GOLM1: variants seen among roughly 807,000 people sequenced by gnomAD.
GOLM1 encodes epididymis luminal protein 46.
Under a neutral mutation model 50.5 loss-of-function variants are expected in GOLM1, and 31 were observed. That is an observed-to-expected ratio of 0.61 (90% CI 0.46 to 0.83). The LOEUF is 0.83. GOLM1 is among the 40% of genes least tolerant of loss of function. The pLI is 0.00. For missense variants in GOLM1, 491 were observed against 501.3 expected (o/e 0.98, Z 0.20); for synonymous variants, 178 against 192.8 (o/e 0.92, Z 0.64).
rs1329555787 is a variant in GOLM1, at chr9:86,027,187, G to A, written c.*630C>T. The stretch of plus-strand genomic sequence containing the variant: ...GCGTTTTGTACATTAAAAATGACAA[G>A]GGTTATTATACAAGTAGCCTTTTAA... On this transcript the variant is annotated 3_prime_UTR_variant, in exon 10 of 10. Coordinates refer to ENST00000388712, the MANE Select transcript of GOLM1 (RefSeq NM_016548.4). The A allele has an allele frequency of 1.0e-6, 1 of 984,294 alleles. No individual in the cohort carries two copies. Among genetic ancestry groups the A allele is most frequent in the African/African-American group, 1.7e-5 (1 of 57,226 alleles). The allele number at this position is 984,294 out of a possible 1,614,324, so 61.0% of individuals were successfully genotyped here.
chr9:86,068,927 T>C (rs1563962481), intron 3 of GOLM1, among the ~76,000 whole-genome samples: 1 of 152,030 alleles, frequency 6.6e-6, no homozygotes. Flanking sequence ...ACTTACAAAG[T>C]GGTTGCCTCA....
At chr9:86,038,986 A>C (rs748177797) in intron 6 of GOLM1, among the ~76,000 whole-genome samples, 10 of 152,204 alleles carry the variant, frequency 6.6e-5, no homozygotes, top group Non-Finnish European at 8.8e-5. Context: ...TGCTTCAACT[A>C]AACACCAGCA....
At position 86,046,525 on chromosome 9, in the gene GOLM1, C is replaced by G. The variant is rs147300680; in HGVS notation, c.412G>C (p.Val138Leu). 13 of 1,613,496 alleles carry G rather than the reference C, an allele frequency of 8.1e-6. No homozygotes were observed. The East Asian group carries it at 2.9e-4, about 36-fold the overall frequency. ...QRNYGRLQQD[V>L]LQFQKNQTNL... ...GTCTGGTTCTTCTGAAACTGGAGGA[C>G]ATCCTGCTGCAGCCTGCCGTAATTC... Residue 138 changes from valine (V) to leucine (L), a missense_variant, in exon 5 of 10, where the codon GTC becomes CTC. Coordinates refer to ENST00000388712, the MANE Select transcript of GOLM1 (RefSeq NM_016548.4).
At chr9:86,090,432 C>A (rs1477720186) in intron 1 of GOLM1, among the ~76,000 whole-genome samples, 1 of 152,120 alleles carries the variant, frequency 6.6e-6, no homozygotes, top group South Asian at 2.1e-4. Context: ...TTCAGAGATG[C>A]CCTGCTCAGA....
At chr9:86,088,576 T>TGTTTTTTTTTTTTG (rs57812981) in intron 1 of GOLM1, among the ~76,000 whole-genome samples, 1 of 63,996 alleles carries the variant, frequency 1.6e-5, no homozygotes, top group African/African-American at 3.5e-5. Flanking sequence ...GGTTTTGTTT[T>TGTTTTTTTTTTTTG]TTTTTTTTTT....
intron 9 of GOLM1, among the ~76,000 whole-genome samples, chr9:86,028,670 C>T (rs563028714): frequency 2.0e-5 from 3 of 152,108 alleles, no homozygotes; most frequent in Non-Finnish European, 4.4e-5. Flanking sequence ...CAACACACAC[C>T]CAGTGGGGCT....
In GOLM1 at chr9:86,053,676, A is replaced by ACT. The variant is rs1564347585; in HGVS notation, c.310-1086_310-1085insAG. 1.8e-3 allele frequency among the ~76,000 whole-genome samples: 60 copies of ACT among 32,894 alleles called. 3 individuals carry two copies. The East Asian group carries it at 0.036, about 20-fold the overall frequency. The allele number at this position is 32,894 out of a possible 152,430, so 21.6% of individuals were successfully genotyped here. On this transcript the variant is annotated intron_variant, in intron 3 of 9. Transcript: ENST00000388712. ...TGCTACACCACTCCACACACGGCACACCACTCCACACACACCACACACATC... is the reference window on the plus strand; with the variant it reads ...TGCTACACCACTCCACACACGGCACACTCCACTCCACACACACCACACACATC...
rs910448135 is a variant in GOLM1, at chr9:86,026,447, G to C, written c.*1370C>G. The C allele has an allele frequency of 2.2e-5, 22 of 982,844 alleles. No homozygotes were observed. Among genetic ancestry groups the C allele is most frequent in the Non-Finnish European group, 2.7e-5 (22 of 827,680 alleles). 60.9% of individuals were successfully genotyped at this position (982,844 alleles called of 1,614,324 possible). A position where few individuals can be genotyped will look rare whatever the true frequency, so the allele number is the denominator to read the frequency against. On this transcript the variant is annotated 3_prime_UTR_variant, in exon 10 of 10. Coordinates refer to ENST00000388712, the MANE Select transcript of GOLM1 (RefSeq NM_016548.4). Reference sequence around the variant, plus strand: ...CTGCTTCAGTGACTGTGTGCCTGTAGTCCCAGCTACTCGGGAGTCTGTGTG... The same window carrying C: ...CTGCTTCAGTGACTGTGTGCCTGTACTCCCAGCTACTCGGGAGTCTGTGTG...
chr9:86,055,626 G>A (rs1470414022), intron 3 of GOLM1, among the ~76,000 whole-genome samples: 4 of 152,180 alleles, frequency 2.6e-5, no homozygotes, highest in Middle Eastern at 6.8e-3. Context: ...AAGGAAATAC[G>A]GACACATACT....
intron 6 of GOLM1, among the ~76,000 whole-genome samples, chr9:86,038,512 A>G (rs901138849): frequency 2.0e-5 from 3 of 152,184 alleles, no homozygotes; most frequent in African/African-American, 7.2e-5. Flanking sequence ...ACTCAACTCC[A>G]GCCCATTCCA....
At chr9:86,064,043 C>G (rs997584515) in intron 3 of GOLM1, among the ~76,000 whole-genome samples, 1 of 152,180 alleles carries the variant, frequency 6.6e-6, no homozygotes, top group Non-Finnish European at 1.5e-5. Context: ...TCCTGAGGTC[C>G]AGGACATCCC....
intron 1 of GOLM1, among the ~76,000 whole-genome samples, chr9:86,092,760 G>A (rs1477835051): frequency 1.3e-5 from 2 of 152,210 alleles, no homozygotes; most frequent in African/African-American, 4.8e-5. Context: ...ACACACACTG[G>A]CGAGAAATGA....
chr9:86,054,282 T>A (rs1833917750), intron 3 of GOLM1, among the ~76,000 whole-genome samples: 2 of 152,124 alleles, frequency 1.3e-5, no homozygotes, highest in African/African-American at 4.8e-5. Flanking sequence ...TTTTTTTTTT[T>A]TTGAGACAGA....
chr9:86,051,113 A>C (rs11141195), intron 4 of GOLM1, among the ~76,000 whole-genome samples: 17,016 of 152,080 alleles, frequency 0.11, 974 homozygotes, highest in Non-Finnish European at 0.13. Flanking sequence ...GCCTTCATTT[A>C]GTTATGTACC....
chr9:86,040,458 GTCC>G (rs1228319283), intron 6 of GOLM1, among the ~76,000 whole-genome samples: 2 of 152,270 alleles, frequency 1.3e-5, no homozygotes, highest in South Asian at 4.2e-4. Context: ...TGGGGCTGGG[GTCC>G]TCAAGTCAGG....
chr9:86,089,576 G>A (rs1010044639), intron 1 of GOLM1, among the ~76,000 whole-genome samples: 2 of 151,874 alleles, frequency 1.3e-5, no homozygotes, highest in Non-Finnish European at 1.5e-5. Flanking sequence ...TATGCTTCAC[G>A]AAGTTCTCGT....
chr9:86,028,255 C>G (rs1182612904), intron 9 of GOLM1, among the ~76,000 whole-genome samples: 1 of 152,194 alleles, frequency 6.6e-6, no homozygotes, highest in Non-Finnish European at 1.5e-5. Flanking sequence ...ACCCTGAGAC[C>G]CCAGCGGGCA....
intron 4 of GOLM1, among the ~76,000 whole-genome samples, chr9:86,051,284 C>T (rs185286738): frequency 9.9e-5 from 15 of 151,902 alleles, no homozygotes; most frequent in African/African-American, 3.6e-4. Flanking sequence ...TTACTTCCAA[C>T]TATGTGGTCA....
intron 1 of GOLM1, among the ~76,000 whole-genome samples, chr9:86,095,095 G>GA (rs1835315357): frequency 1.3e-5 from 2 of 149,672 alleles, no homozygotes; most frequent in Admixed American, 6.6e-5. Context: ...AAAAGAAAAA[G>GA]AAAAGAAAAG....
Sources: allele counts gnomAD v4.1 joint callset (sites outside exome capture counted in the v4.1 genomes callset), GRCh38; gene constraint gnomAD v4.1.1; transcripts MANE v1.5; gene names NCBI Gene and HGNC (gene_info 2026-07-23, HGNC 2026-07-21).